Variants in GFRA4 observed in about 807,000 individuals in gnomAD.
The protein encoded by GFRA4 is GDNF family receptor alpha 4.
Under a neutral mutation model 28.5 loss-of-function variants are expected in GFRA4, and 31 were observed. The ratio of observed to expected loss-of-function variants is 1.09; its 90% confidence interval spans 0.82 to 1.47. The LOEUF (loss-of-function observed/expected upper bound fraction) is 1.47. Ranked by LOEUF, GFRA4 falls within the 40% of genes most tolerant of loss-of-function variation. GFRA4 has a pLI of 0.00. For missense variants in GFRA4, 389 were observed against 413.2 expected, an observed-to-expected ratio of 0.94 and a Z score of 0.51; for synonymous variants, 188 against 188.0, an observed-to-expected ratio of 1.00 and a Z score of 0.00.
intron 1 of GFRA4, among the ~76,000 whole-genome samples, chr20:3,661,596 T>TCCAAAGAC (rs2087226195): frequency 6.6e-6 from 1 of 151,992 alleles, no homozygotes; most frequent in Admixed American, 6.5e-5. Flanking sequence ...GCCACACACG[T>TCCAAAGAC]CCAAAGACGG....
intron 1 of GFRA4, among the ~76,000 whole-genome samples, chr20:3,662,269 G>C (rs1432652073): frequency 6.6e-6 from 1 of 152,210 alleles, no homozygotes; most frequent in Non-Finnish European, 1.5e-5. Context: ...ATAGAGCCAG[G>C]ATAACTGGAA....
At chr20:3,660,042 C>T in intron 5 of GFRA4, 53 bp from the exon 6 acceptor site, 1 of 1,522,500 alleles carries the variant, frequency 6.6e-7, no homozygotes, top group South Asian at 1.2e-5. Flanking sequence ...TCTCTGCCCT[C>T]TGCCTGCACC....
intron 4 of GFRA4, 122 bp from the exon 5 acceptor site, chr20:3,660,371 T>C (rs1042843016): frequency 9.4e-7 from 1 of 1,061,690 alleles, no homozygotes; most frequent in Non-Finnish European, 1.4e-6. Flanking sequence ...AGGTGTGTGG[T>C]GAGGAATAAC....
In GFRA4 at chr20:3,659,713, C is replaced by T. The variant is rs2087195269; in HGVS notation, c.*196G>A. Reference sequence around the variant, plus strand: ...GACAGGGAGACGGGGGCTTTACAGTCAGGCCCCAGCCTACATCCCTTGCCC... The same window carrying T: ...GACAGGGAGACGGGGGCTTTACAGTTAGGCCCCAGCCTACATCCCTTGCCC... On this transcript the variant is annotated 3_prime_UTR_variant, in exon 6 of 6. Coordinates refer to ENST00000290417, the MANE Select transcript of GFRA4 (RefSeq NM_022139.4). 2 of 591,662 alleles carry T rather than the reference C, an allele frequency of 3.4e-6. No individual in the cohort carries two copies. Among genetic ancestry groups the T allele is most frequent in the African/African-American group, 1.9e-5 (1 of 52,898 alleles). The allele number at this position is 591,662 out of a possible 1,614,324, so 36.7% of individuals were successfully genotyped here. A position where few individuals can be genotyped will look rare whatever the true frequency, so the allele number is the denominator to read the frequency against.
Position 3,659,992 on chromosome 20 carries a change from TG to T in GFRA4, c.730-4del, listed in dbSNP as rs1404647329. On this transcript the variant is annotated splice_polypyrimidine_tract_variant and splice_region_variant and intron_variant, in intron 5 of 5. Transcript: ENST00000290417. ...AGGGCCCTGCCTGTGGAGGACACCT[TG>T]GGGGTGGGAGCCAAGTGCAGACTTG... is the stretch of plus-strand genomic sequence containing the variant. 1.3e-6 allele frequency: 2 copies of T among 1,570,342 alleles called. No homozygotes were observed. Among genetic ancestry groups the T allele is most frequent in the African/African-American group, 1.3e-5 (1 of 74,244 alleles).
In GFRA4 at chr20:3,660,852, C is replaced by T; in HGVS notation, c.405G>A (p.Leu135=). 1 of 1,425,416 alleles carries T rather than the reference C, an allele frequency of 7.0e-7. No individual in the cohort carries two copies. 88.3% of individuals were successfully genotyped at this position (1,425,416 alleles called of 1,614,324 possible). ...ERSRVCRPRL[L]AFQVSCTPAP... The stretch of plus-strand genomic sequence containing the variant: ...CTGGGGTGCACGAGACCTGAAAGGC[C>T]AGGAGGCGAGGCCTGCGCGGCGGGA... The change falls in exon 3 of 6, where the codon CTG becomes CTA. Residue 135 remains leucine, a synonymous_variant. Transcript: ENST00000290417.
chr20:3,661,994 G>C (rs747677744), intron 1 of GFRA4, among the ~76,000 whole-genome samples: 1 of 152,174 alleles, frequency 6.6e-6, no homozygotes, highest in East Asian at 1.9e-4. Flanking sequence ...AGGGGAGAGC[G>C]GATTCATGCA....
chr20:3,659,703 G>T lies in GFRA4; in HGVS notation c.*206C>A. On this transcript the variant is annotated 3_prime_UTR_variant, in exon 6 of 6. Transcript: ENST00000290417. ...GATGCCTCCTGACAGGGAGACGGGG[G>T]CTTTACAGTCAGGCCCCAGCCTACA... The T allele has an allele frequency of 1.7e-6, 1 of 587,594 alleles. No individual in the cohort carries two copies. The highest frequency in any genetic ancestry group is 3.0e-6 in the Non-Finnish European group (1 of 331,602). 36.4% of individuals were successfully genotyped at this position (587,594 alleles called of 1,614,324 possible).
At chr20:3,661,329 C>A in intron 1 of GFRA4, 40 bp from the exon 2 acceptor site, 1 of 1,398,256 alleles carries the variant, frequency 7.2e-7, no homozygotes. Context: ...TCAGTGCGCC[C>A]CGCATGCACA....
Position 3,659,809 on chromosome 20 carries a change from G to T in GFRA4, c.*100C>A. ...GTGAAAGCACCAGGGCCGGCTTGGG[G>T]GGTAAGCCAGCCCCTTCTCAAGGGG... On this transcript the variant is annotated 3_prime_UTR_variant, in exon 6 of 6. Coordinates refer to ENST00000290417, the MANE Select transcript of GFRA4 (RefSeq NM_022139.4). 8.6e-7 allele frequency: 1 copy of T among 1,165,740 alleles called. No homozygotes were observed. Among genetic ancestry groups the T allele is most frequent in the Non-Finnish European group, 1.2e-6 (1 of 808,118 alleles). The allele number at this position is 1,165,740 out of a possible 1,614,324, so 72.2% of individuals were successfully genotyped here.
chr20:3,662,487 C>A (rs1458037266), intron 1 of GFRA4, among the ~76,000 whole-genome samples: 1 of 152,194 alleles, frequency 6.6e-6, no homozygotes. Flanking sequence ...TGGTATCCCC[C>A]CCCCAGGGCT....
chr20:3,662,461 C>T lies in GFRA4; in HGVS notation c.46+893G>A, dbSNP rs150297044. 2.0e-3 allele frequency among the ~76,000 whole-genome samples: 272 copies of T among 137,042 alleles called. 1 individual carries two copies. Among genetic ancestry groups the T allele is most frequent in the African/African-American group, 7.2e-3 (253 of 35,306 alleles). 89.9% of individuals were successfully genotyped at this position (137,042 alleles called of 152,430 possible). On this transcript the variant is annotated intron_variant, in intron 1 of 5. Coordinates refer to ENST00000290417, the MANE Select transcript of GFRA4 (RefSeq NM_022139.4). Reference sequence around the variant, plus strand: ...TCATCCATCTCCCTGTGTGTTTGTGCACAGGGGCTACGGGGTGGTATCCCC... The same window carrying T: ...TCATCCATCTCCCTGTGTGTTTGTGTACAGGGGCTACGGGGTGGTATCCCC...
chr20:3,660,581 G>T lies in GFRA4; in HGVS notation c.582C>A (p.Asn194Lys). The change falls in exon 4 of 6, where the codon AAC (asparagine) becomes AAA (lysine). Residue 194 changes from asparagine (N) to lysine (K), a missense_variant. Coordinates refer to ENST00000290417, the MANE Select transcript of GFRA4 (RefSeq NM_022139.4). ...APWCDCGASG[N>K]RREDCEAFRG... ...GGAAGGCTTCGCAGTCCTCACGCCG[G>T]TTCCCGCTGGCTCCGCAGTCGCACC... 6.4e-7 allele frequency: 1 copy of T among 1,551,206 alleles called. No homozygotes were observed. The highest frequency in any genetic ancestry group is 8.7e-7 in the Non-Finnish European group (1 of 1,147,464).
At chr20:3,660,089 C>A in intron 5 of GFRA4, 69 bp downstream of exon 5, 1 of 1,519,154 alleles carries the variant, frequency 6.6e-7, no homozygotes, top group Non-Finnish European at 8.9e-7. Flanking sequence ...CCCAGGCCCA[C>A]CAGGGACGGA....
chr20:3,662,553 G>A (rs578256168), intron 1 of GFRA4, among the ~76,000 whole-genome samples: 12 of 152,300 alleles, frequency 7.9e-5, no homozygotes, highest in East Asian at 1.9e-4. Context: ...GGATTGGACC[G>A]CGTGGTGAGA....
Position 3,660,634 on chromosome 20 carries a change from C to G in GFRA4, c.529G>C (p.Asp177His). The change falls in exon 4 of 6, where the codon GAC becomes CAC. Residue 177 changes from aspartate to histidine, a missense_variant. By Grantham distance (81) the Asp-to-His change is moderately conservative (BLOSUM62 -1). Coordinates refer to ENST00000290417, the MANE Select transcript of GFRA4 (RefSeq NM_022139.4). ...GGCGCCACGCGCGCGCTCACGTTGT[C>G]CACGTAGTTAGGGGTGACGGCGGTG... ...VGTAVTPNYV[D>H]NVSARVAPWC... 6.4e-7 allele frequency: 1 copy of G among 1,551,824 alleles called. No homozygotes were observed. Among genetic ancestry groups the G allele is most frequent in the Middle Eastern group, 1.7e-4 (1 of 5,990 alleles).
At chr20:3,662,948 C>T (rs680606) in intron 1 of GFRA4, among the ~76,000 whole-genome samples, 3,068 of 152,256 alleles carry the variant, frequency 0.02, 108 homozygotes, top group African/African-American at 0.07. Flanking sequence ...CCTCCCTCCG[C>T]GACATCCATG....
intron 4 of GFRA4, 112 bp downstream of exon 4, chr20:3,660,414 C>G: frequency 4.3e-6 from 5 of 1,174,298 alleles, no homozygotes; most frequent in Non-Finnish European, 6.0e-6. Context: ...CAGAGTGACT[C>G]AACTGTACAG....
At position 3,660,191 on chromosome 20, in the gene GFRA4, G is replaced by T; in HGVS notation, c.696C>A (p.Asn232Lys). ...GGCTGTGCTCCGGGTCTCCCTGGGG[G>T]TTCAGCTGGTCCAGCAGGACTGGGG... ...GWPPVLLDQL[N>K]PQGDPEHSLL... is the part of the protein sequence containing the mutation. Residue 232 changes from asparagine (N) to lysine (K), a missense_variant, in exon 5 of 6, where the codon AAC becomes AAA. Asn to Lys is a moderately conservative substitution (Grantham distance 94). Transcript: ENST00000290417. The T allele has an allele frequency of 6.2e-7, 1 of 1,600,714 alleles. No individual in the cohort carries two copies. The highest frequency in any genetic ancestry group is 8.5e-7 in the Non-Finnish European group (1 of 1,174,724).
Sources: allele counts gnomAD v4.1 joint callset (sites outside exome capture counted in the v4.1 genomes callset), GRCh38; gene constraint gnomAD v4.1.1; transcripts MANE v1.5; gene names NCBI Gene and HGNC (gene_info 2026-07-23, HGNC 2026-07-21).